The following AGBL4 variants were observed in gnomAD, a reference collection of about 807,000 sequenced individuals.
AGBL4 encodes AGBL carboxypeptidase 4.
Under a neutral mutation model 66.4 loss-of-function variants are expected in AGBL4, and 58 were observed. The ratio of observed to expected loss-of-function variants is 0.87; its 90% confidence interval spans 0.71 to 1.09. The LOEUF (loss-of-function observed/expected upper bound fraction) is 1.09, where lower values mean the gene tolerates loss of function less well. Ranked by LOEUF, AGBL4 falls within the 50% of genes least tolerant of loss-of-function variation. AGBL4 has a pLI of 0.00. For synonymous variants in AGBL4, 234 were observed against 222.9 expected, an observed-to-expected ratio of 1.05 and a Z score of -0.44; for missense variants, 579 against 631.0, an observed-to-expected ratio of 0.92 and a Z score of 0.88.
chr1:48,868,213 T>G (rs1570878260), intron 5 of AGBL4, among the ~76,000 whole-genome samples: 1 of 152,328 alleles, frequency 6.6e-6, no homozygotes, highest in South Asian at 2.1e-4. Context: ...GATTACAAAT[T>G]GCAGGAGCTT....
At chr1:49,197,892 T>C (rs1647358582) in intron 4 of AGBL4, among the ~76,000 whole-genome samples, 1 of 152,124 alleles carries the variant, frequency 6.6e-6, no homozygotes, top group African/African-American at 2.4e-5. Context: ...CAAGACACAA[T>C]ATTCCAATCC....
intron 5 of AGBL4, among the ~76,000 whole-genome samples, chr1:49,009,415 C>T (rs1370810022): frequency 6.7e-6 from 1 of 149,574 alleles, no homozygotes; most frequent in African/African-American, 2.4e-5. Context: ...GAGTCCAGGA[C>T]CAGATGGATT....
At chr1:49,332,901 A>G (rs1468308744) in intron 3 of AGBL4, among the ~76,000 whole-genome samples, 5 of 152,118 alleles carry the variant, frequency 3.3e-5, no homozygotes, top group Non-Finnish European at 7.4e-5. Context: ...AAGCGTTCCT[A>G]TTTCTCCATA....
chr1:49,794,053 G>A (rs898153086), intron 2 of AGBL4, among the ~76,000 whole-genome samples: 1 of 151,860 alleles, frequency 6.6e-6, no homozygotes, highest in Non-Finnish European at 1.5e-5. Context: ...AACATTTTCA[G>A]GAAAGTAGTG....
chr1:49,193,851 T>C (rs192240835), intron 4 of AGBL4, among the ~76,000 whole-genome samples: 4 of 152,250 alleles, frequency 2.6e-5, no homozygotes, highest in Non-Finnish European at 5.9e-5. Context: ...GATTTCTAAG[T>C]TTATTCTTCT....
intron 3 of AGBL4, among the ~76,000 whole-genome samples, chr1:49,606,614 T>G (rs1645067932): frequency 6.6e-6 from 1 of 152,126 alleles, no homozygotes; most frequent in Non-Finnish European, 1.5e-5. Flanking sequence ...GAGTGTTACA[T>G]TCTTTACAAA....
rs191230977 is a variant in AGBL4, at chr1:49,491,904, C to T, written c.282+205409G>A. Among the ~76,000 whole-genome samples the T allele has an allele frequency of 4.9e-4, 75 of 151,934 alleles. 1 individual carries two copies. The highest frequency in any genetic ancestry group is 1.8e-3 in the African/African-American group (74 of 41,494). On this transcript the variant is annotated intron_variant, in intron 3 of 13. Coordinates refer to ENST00000371839, the MANE Select transcript of AGBL4 (RefSeq NM_032785.4). The stretch of plus-strand genomic sequence containing the variant: ...GAAAACCCTGTATATATTATGTTTT[C>T]CCAATACATACATATCTTTCATAAA...
Position 49,872,928 on chromosome 1 carries a change from T to G in AGBL4, c.35-21410A>C, listed in dbSNP as rs540930734. On this transcript the variant is annotated intron_variant, in intron 1 of 13. Transcript: ENST00000371839. ...ATTTTCTACAATTTGAAATGAATTC[T>G]AAAATTTTTCCTGGCTACAAGTCTC... 7.9e-5 allele frequency among the ~76,000 whole-genome samples: 12 copies of G among 152,210 alleles called. No homozygotes were observed. In the South Asian group the frequency reaches 2.5e-3, roughly 32 times the overall value.
chr1:49,169,347 G>C (rs1646690996), intron 4 of AGBL4, among the ~76,000 whole-genome samples: 1 of 152,106 alleles, frequency 6.6e-6, no homozygotes, highest in Non-Finnish European at 1.5e-5. Flanking sequence ...ATAACAACTG[G>C]ATTATTCCTT....
At chr1:49,507,159 G>A (rs1381228208) in intron 3 of AGBL4, among the ~76,000 whole-genome samples, 5 of 152,014 alleles carry the variant, frequency 3.3e-5, no homozygotes, top group African/African-American at 7.2e-5. Context: ...CACATTAAGA[G>A]GGAGAAACCC....
At chr1:48,589,532 C>T (rs1036047079) in intron 10 of AGBL4, among the ~76,000 whole-genome samples, 1 of 152,180 alleles carries the variant, frequency 6.6e-6, no homozygotes, top group Non-Finnish European at 1.5e-5. Flanking sequence ...TCTCCCTACA[C>T]CACATACTGA....
intron 2 of AGBL4, among the ~76,000 whole-genome samples, chr1:49,738,107 G>A (rs1189920535): frequency 6.6e-6 from 1 of 152,220 alleles, no homozygotes; most frequent in Non-Finnish European, 1.5e-5. Flanking sequence ...GCAGGGCGAG[G>A]AATCCCCTCA....
chr1:48,579,335 C>T (rs555912496), intron 11 of AGBL4, among the ~76,000 whole-genome samples: 125 of 152,068 alleles, frequency 8.2e-4, no homozygotes, highest in African/African-American at 2.9e-3. Context: ...TCAAGTGATT[C>T]TTCTATCTCA....
At chr1:49,154,637 A>T (rs1646397213) in intron 4 of AGBL4, among the ~76,000 whole-genome samples, 1 of 152,166 alleles carries the variant, frequency 6.6e-6, no homozygotes, top group African/African-American at 2.4e-5. Flanking sequence ...TTTACATTTC[A>T]GATTTATTAT....
Position 49,033,267 on chromosome 1 carries a change from C to A in AGBL4, c.594+12317G>T, listed in dbSNP as rs1664373503. Among the ~76,000 whole-genome samples the A allele has an allele frequency of 1.3e-5, 2 of 152,028 alleles. 1 individual carries two copies. The highest frequency in any genetic ancestry group is 4.2e-4 in the South Asian group (2 of 4,814). ...ACTTGTTTAATTTAGAGTGTCTGAT[C>A]AGGACATGGTTTGGTGCAGATGGGA... On this transcript the variant is annotated intron_variant, in intron 5 of 13. Transcript: ENST00000371839.
At chr1:49,335,741 T>A (rs1387864032) in intron 3 of AGBL4, among the ~76,000 whole-genome samples, 3 of 152,138 alleles carry the variant, frequency 2.0e-5, no homozygotes, top group Non-Finnish European at 4.4e-5. Flanking sequence ...GGTCTCAATC[T>A]CCTGACCTTG....
In AGBL4 at chr1:48,534,000, T is replaced by C; in HGVS notation, c.*173A>G. ...TGAGCTGAAGGCTTACAATTGATTT[T>C]CCATTGGAAAAAGGGAAAATCAGTG... is the stretch of plus-strand genomic sequence containing the variant. On this transcript the variant is annotated 3_prime_UTR_variant, in exon 14 of 14. Transcript: ENST00000371839. The C allele has an allele frequency of 9.1e-7, 1 of 1,101,682 alleles. No homozygotes were observed. Among genetic ancestry groups the C allele is most frequent in the Non-Finnish European group, 1.3e-6 (1 of 759,484 alleles). 68.2% of individuals were successfully genotyped at this position (1,101,682 alleles called of 1,614,324 possible).
At chr1:48,701,919 G>T (rs1436017628) in intron 6 of AGBL4, among the ~76,000 whole-genome samples, 2 of 152,136 alleles carry the variant, frequency 1.3e-5, no homozygotes, top group Non-Finnish European at 2.9e-5. Context: ...ACCCTTCATT[G>T]AATGTTATAC....
rs934046353 is a variant in AGBL4 at position 49,997,214 on chromosome 1, A to G, written c.34+26549T>C. Among the ~76,000 whole-genome samples the G allele has an allele frequency of 2.0e-5, 3 of 152,178 alleles. No homozygotes were observed. The South Asian group carries it at 6.2e-4, about 32-fold the overall frequency. On this transcript the variant is annotated intron_variant, in intron 1 of 13. Transcript: ENST00000371839. The stretch of plus-strand genomic sequence containing the variant: ...AAAAGCACCTCACATCTCAATACTA[A>G]CATTGAATATAAATGGCCTAAATGC...
Sources: gnomAD v4.1 joint callset for allele counts (sites outside exome capture counted in the v4.1 genomes callset) on GRCh38, gnomAD v4.1.1 for gene constraint, MANE v1.5 for transcripts, NCBI Gene and HGNC (gene_info 2026-07-23, HGNC 2026-07-21) for gene names.